EXD1: variants seen among roughly 807,000 people sequenced by gnomAD.
EXD1 encodes the protein piRNA biogenesis protein EXD1.
In EXD1, 63 loss-of-function variants were observed where a neutral mutation model predicts 49.1. The ratio of observed to expected loss-of-function variants is 1.28; its 90% CI spans 1.05 to 1.58. The LOEUF is 1.58. EXD1 is among the 40% of genes most tolerant of loss of function. The probability of loss-of-function intolerance (pLI) is 0.00; values close to 1 mark genes in which losing one functional copy is unlikely to be tolerated. For missense variants in EXD1, 748 were observed against 666.0 expected (o/e 1.12, Z -1.36); for synonymous variants, 234 against 239.2 (o/e 0.98, Z 0.20).
chr15:41,192,008 C>A (rs2046528124), intron 9 of EXD1: 2 of 162,528 alleles, frequency 1.2e-5, no homozygotes, highest in South Asian at 3.4e-4. Context: ...AGTGCAGTGG[C>A]TATTCACAGG....
intron 2 of EXD1, among the ~76,000 whole-genome samples, chr15:41,221,465 G>T (rs1262165187): frequency 6.6e-6 from 1 of 151,646 alleles, no homozygotes; most frequent in Non-Finnish European, 1.5e-5. Flanking sequence ...GTAGAGACTG[G>T]GTCTCACTAT....
chr15:41,209,992 C>T (rs1353821630), intron 6 of EXD1, among the ~76,000 whole-genome samples: 1 of 152,134 alleles, frequency 6.6e-6, no homozygotes, highest in Non-Finnish European at 1.5e-5. Flanking sequence ...GCAACCTCCA[C>T]CTCTCAGTGG....
At chr15:41,229,936 G>A (rs544100051) in intron 1 of EXD1, among the ~76,000 whole-genome samples, 1 of 152,036 alleles carries the variant, frequency 6.6e-6, no homozygotes. Context: ...AAATATCCTG[G>A]TACTTGGGTA....
chr15:41,189,411 C>T (rs1482569004), intron 11 of EXD1, among the ~76,000 whole-genome samples: 2 of 150,564 alleles, frequency 1.3e-5, no homozygotes, highest in African/African-American at 2.4e-5. Flanking sequence ...TGCCTGTAAT[C>T]CCAGCACTTT....
Position 41,184,380 on chromosome 15 carries a change from G to T in EXD1, c.1270C>A (p.Pro424Thr). The part of the protein sequence containing the change: ...FGKNFRIDKA[P>T]SFTSQDFHGD... Reference sequence around the variant, plus strand: ...TGAAAGTCTTGAGATGTAAAACTTGGAGCTTTATCTATCCTAAAATTTTTA... The same window carrying T: ...TGAAAGTCTTGAGATGTAAAACTTGTAGCTTTATCTATCCTAAAATTTTTA... Residue 424 changes from proline to threonine, a missense_variant, in exon 12 of 12, where the codon CCA becomes ACA. By Grantham distance (38) the Pro-to-Thr change is conservative. Transcript: ENST00000458580. 6.2e-7 allele frequency: 1 copy of T among 1,613,976 alleles called. No individual in the cohort carries two copies. Among genetic ancestry groups the T allele is most frequent in the Non-Finnish European group, 8.5e-7 (1 of 1,179,994 alleles).
At chr15:41,208,368 T>TAAAAAAAA (rs1566986561) in intron 7 of EXD1, among the ~76,000 whole-genome samples, 1 of 80,878 alleles carries the variant, frequency 1.2e-5, no homozygotes, top group African/African-American at 6.9e-5. Context: ...AACTCATCTC[T>TAAAAAAAA]GAAAAAAAAA....
chr15:41,204,406 C>T (rs1203407062), intron 7 of EXD1, among the ~76,000 whole-genome samples: 1 of 151,796 alleles, frequency 6.6e-6, no homozygotes, highest in Non-Finnish European at 1.5e-5. Flanking sequence ...CAAAAATTAG[C>T]CGGGCATGGT....
In EXD1 at chr15:41,191,638, T is replaced by C. The variant is rs2046520043; in HGVS notation, c.721-53A>G. 10 of 1,504,350 alleles carry C rather than the reference T, an allele frequency of 6.6e-6. No individual in the cohort carries two copies. In the African/African-American group the frequency reaches 8.3e-5, roughly 13 times the overall value. The allele number at this position is 1,504,350 out of a possible 1,614,324, so 93.2% of individuals were successfully genotyped here. On this transcript the variant is annotated intron_variant, in intron 9 of 11. Coordinates refer to ENST00000458580, the MANE Select transcript of EXD1 (RefSeq NM_001286441.2). ...CCAGTTGAATATATACAGAGAGCTA[T>C]CTCATGCCAGAAATATATTTAGAGA...
At chr15:41,206,525 A>G (rs902441598) in intron 7 of EXD1, among the ~76,000 whole-genome samples, 1 of 151,426 alleles carries the variant, frequency 6.6e-6, no homozygotes, top group Non-Finnish European at 1.5e-5. Flanking sequence ...CTACATTTCA[A>G]TGTGTTAAAA....
At chr15:41,206,994 G>T (rs139001301) in intron 7 of EXD1, among the ~76,000 whole-genome samples, 1,639 of 123,534 alleles carry the variant, frequency 0.013, 54 homozygotes, top group African/African-American at 0.049. Flanking sequence ...CTCACACCCA[G>T]CACTTTGGGA....
chr15:41,188,670 G>C (rs567252190), intron 11 of EXD1, among the ~76,000 whole-genome samples: 1 of 151,906 alleles, frequency 6.6e-6, no homozygotes, highest in Non-Finnish European at 1.5e-5. Context: ...GGGATTACAG[G>C]TATGAGCCAC....
chr15:41,194,856 C>T (rs1223777900), intron 9 of EXD1, among the ~76,000 whole-genome samples: 1 of 152,088 alleles, frequency 6.6e-6, no homozygotes, highest in African/African-American at 2.4e-5. Flanking sequence ...CAAATGGCAG[C>T]AAATACATTA....
At position 41,190,076 on chromosome 15, in the gene EXD1, A is replaced by T; in HGVS notation, c.917T>A (p.Ile306Asn). 4 of 1,614,138 alleles carry T rather than the reference A, an allele frequency of 2.5e-6. No homozygotes were observed. The highest frequency in any genetic ancestry group is 3.4e-6 in the Non-Finnish European group (4 of 1,180,028). Residue 306 changes from isoleucine (I) to asparagine (N), a missense_variant, in exon 11 of 12, where the codon ATT (isoleucine) becomes AAT (asparagine). By Grantham distance (149) the Ile-to-Asn change is moderately radical. Transcript: ENST00000458580. ...CAGGTAGGTAGCTTCCAGGGCCAAAATTTTCAGTAAAGAGGGTGAAACAGG... is the reference window on the plus strand; with the variant it reads ...CAGGTAGGTAGCTTCCAGGGCCAAATTTTTCAGTAAAGAGGGTGAAACAGG... ...IRPVSPSLLKILALEATYLLP... is the reference protein window; with the variant it reads ...IRPVSPSLLKNLALEATYLLP...
intron 7 of EXD1, among the ~76,000 whole-genome samples, chr15:41,201,506 T>G (rs1220354917): frequency 1.1e-5 from 1 of 88,968 alleles, no homozygotes. Context: ...TTTTTTTTTT[T>G]TGAGACAGAG....
intron 7 of EXD1, among the ~76,000 whole-genome samples, chr15:41,202,166 A>ATTT (rs778214982): frequency 8.1e-4 from 108 of 132,642 alleles, no homozygotes; most frequent in African/African-American, 3.5e-3. Flanking sequence ...ATATATATAT[A>ATTT]TTTTTTTTAA....
chr15:41,196,487 T>C (rs1430787242), intron 7 of EXD1, among the ~76,000 whole-genome samples: 3 of 151,898 alleles, frequency 2.0e-5, no homozygotes, highest in African/African-American at 7.3e-5. Flanking sequence ...CAGCTAAGTT[T>C]TGTTATTTTT....
chr15:41,214,604 G>C (rs1449228701), intron 6 of EXD1, among the ~76,000 whole-genome samples: 2 of 152,048 alleles, frequency 1.3e-5, no homozygotes, highest in African/African-American at 4.8e-5. Flanking sequence ...AGCCCTAAGT[G>C]AACTGCCTCC....
intron 9 of EXD1, among the ~76,000 whole-genome samples, chr15:41,193,428 G>T (rs1324957341): frequency 6.6e-6 from 1 of 152,070 alleles, no homozygotes; most frequent in Non-Finnish European, 1.5e-5. Flanking sequence ...GCAACATAGT[G>T]AGACTCCGTT....
At chr15:41,190,919 TTTA>T (rs869249116) in intron 10 of EXD1, among the ~76,000 whole-genome samples, 3 of 147,312 alleles carry the variant, frequency 2.0e-5, no homozygotes, top group African/African-American at 7.5e-5. Context: ...TATTTATTTA[TTTA>T]TTATTTTTTG....
Sources: allele counts gnomAD v4.1 joint callset (sites outside exome capture counted in the v4.1 genomes callset), GRCh38; gene constraint gnomAD v4.1.1; transcripts MANE v1.5; gene names NCBI Gene and HGNC (gene_info 2026-07-23, HGNC 2026-07-21).